Variants in C8orf34 observed in about 807,000 individuals in gnomAD.
C8orf34 encodes the protein chromosome 8 open reading frame 34, also known as uncharacterized protein C8orf34.
Under a neutral mutation model 68.3 loss-of-function variants are expected in C8orf34, and 65 were observed. That is an observed-to-expected ratio of 0.95 (90% confidence interval 0.78 to 1.17). The LOEUF (loss-of-function observed/expected upper bound fraction) is 1.17. C8orf34 is among the 50% of genes most tolerant of loss of function. The probability of loss-of-function intolerance (pLI) is 0.00; values close to 1 mark genes in which losing one functional copy is unlikely to be tolerated. For synonymous variants in C8orf34, 244 were observed against 241.2 expected, an observed-to-expected ratio of 1.01 and a Z score of -0.11; for missense variants, 664 against 655.4, an observed-to-expected ratio of 1.01 and a Z score of -0.14.
intron 1 of C8orf34, among the ~76,000 whole-genome samples, chr8:68,368,583 C>A (rs995763860): frequency 2.0e-4 from 30 of 152,008 alleles, no homozygotes; most frequent in African/African-American, 6.5e-4. Flanking sequence ...ATGATCATTG[C>A]AATATTAGCT....
chr8:68,635,226 A>G (rs962228148), intron 7 of C8orf34, among the ~76,000 whole-genome samples: 4 of 152,206 alleles, frequency 2.6e-5, no homozygotes, highest in Non-Finnish European at 4.4e-5. Flanking sequence ...AAATGCTTAG[A>G]TAATTGCCAT....
intron 10 of C8orf34, among the ~76,000 whole-genome samples, chr8:68,748,315 C>T (rs1376662693): frequency 6.8e-6 from 1 of 146,662 alleles, no homozygotes; most frequent in East Asian, 2.0e-4. Flanking sequence ...CCATTCAGGA[C>T]ATAGGCACGG....
At chr8:68,749,578 A>G (rs895197395) in intron 10 of C8orf34, among the ~76,000 whole-genome samples, 6 of 152,138 alleles carry the variant, frequency 3.9e-5, no homozygotes, top group Non-Finnish European at 5.9e-5. Context: ...AAGATTCCTC[A>G]TGCCTATTTA....
intron 7 of C8orf34, among the ~76,000 whole-genome samples, chr8:68,588,608 A>G (rs1817275830): frequency 6.6e-6 from 1 of 152,180 alleles, no homozygotes; most frequent in South Asian, 2.1e-4. Context: ...AGGAAAGACC[A>G]AAAGAACTGT....
chr8:68,528,886 T>G (rs1472021398), intron 6 of C8orf34, among the ~76,000 whole-genome samples: 1 of 152,230 alleles, frequency 6.6e-6, no homozygotes, highest in East Asian at 1.9e-4. Flanking sequence ...AGACTCTCTG[T>G]GCACCTGGCT....
rs577022924 is a variant in C8orf34, at chr8:68,763,489, G to A, written c.1405-12910G>A. 1.4e-4 allele frequency among the ~76,000 whole-genome samples: 22 copies of A among 152,138 alleles called. No individual in the cohort carries two copies. In the South Asian group the frequency reaches 3.5e-3, roughly 24 times the overall value. Reference sequence around the variant, plus strand: ...ACCTTCAGTTTATTTTTGTTCACCTGTGTTTTTGGGTTACTCTCCAACTCA... The same window carrying A: ...ACCTTCAGTTTATTTTTGTTCACCTATGTTTTTGGGTTACTCTCCAACTCA... On this transcript the variant is annotated intron_variant, in intron 10 of 13. Transcript: ENST00000518698.
At chr8:68,650,696 G>A (rs1819331433) in intron 8 of C8orf34, among the ~76,000 whole-genome samples, 1 of 151,994 alleles carries the variant, frequency 6.6e-6, no homozygotes, top group Non-Finnish European at 1.5e-5. Context: ...AGCCGGGATG[G>A]TCTCGATCTC....
chr8:68,523,760 A>G (rs1202579035), intron 6 of C8orf34, among the ~76,000 whole-genome samples: 1 of 152,132 alleles, frequency 6.6e-6, no homozygotes, highest in African/African-American at 2.4e-5. Context: ...TCAAGCAGAA[A>G]GGGTTGGAGA....
intron 12 of C8orf34, among the ~76,000 whole-genome samples, chr8:68,809,894 C>T (rs992519793): frequency 1.6e-4 from 25 of 152,042 alleles, no homozygotes; most frequent in African/African-American, 4.4e-4. Context: ...TGGCATGTGA[C>T]GATTAAAAAG....
intron 5 of C8orf34, among the ~76,000 whole-genome samples, chr8:68,502,869 A>AG (rs1813840251): frequency 6.6e-6 from 1 of 152,242 alleles, no homozygotes; most frequent in Non-Finnish European, 1.5e-5. Flanking sequence ...TTCTCTCTCA[A>AG]GTAGTATTGG....
At chr8:68,757,770 T>C (rs1341615501) in intron 10 of C8orf34, among the ~76,000 whole-genome samples, 1 of 152,176 alleles carries the variant, frequency 6.6e-6, no homozygotes, top group Non-Finnish European at 1.5e-5. Context: ...TAACGTACAA[T>C]GGATAGAATG....
intron 11 of C8orf34, 32 bp downstream of exon 11, chr8:68,776,481 T>C: frequency 1.3e-6 from 2 of 1,564,558 alleles, no homozygotes; most frequent in Non-Finnish European, 1.8e-6. Flanking sequence ...TAATGTAGTC[T>C]GAAATCAGTT....
intron 7 of C8orf34, among the ~76,000 whole-genome samples, chr8:68,623,591 G>A (rs1818449627): frequency 6.6e-6 from 1 of 152,186 alleles, no homozygotes; most frequent in Non-Finnish European, 1.5e-5. Context: ...AAGTACCATG[G>A]ACTGGGTGGC....
chr8:68,775,213 C>T (rs1211084856), intron 10 of C8orf34, among the ~76,000 whole-genome samples: 1 of 151,898 alleles, frequency 6.6e-6, no homozygotes, highest in Admixed American at 6.6e-5. Context: ...TTGTCTTGCC[C>T]TCAATGAGAT....
chr8:68,680,919 G>C (rs1379033398), intron 8 of C8orf34, among the ~76,000 whole-genome samples: 2 of 152,062 alleles, frequency 1.3e-5, no homozygotes, highest in Admixed American at 6.6e-5. Context: ...GACACTCCCA[G>C]AGCGGCCGTG....
In C8orf34 at chr8:68,541,789, T is replaced by TGA. The variant is rs1297182030; in HGVS notation, c.1105+8640_1105+8641insGA. 2.6e-5 allele frequency among the ~76,000 whole-genome samples: 4 copies of TGA among 152,316 alleles called. No individual in the cohort carries two copies. The East Asian group carries it at 7.7e-4, about 29-fold the overall frequency. ...CATGGCATAGAACTTGAATTTTCCCTAATGTGTTAGAATGAATCTTGGCCT... is the reference window on the plus strand; with the variant it reads ...CATGGCATAGAACTTGAATTTTCCCTGAAATGTGTTAGAATGAATCTTGGCCT... On this transcript the variant is annotated intron_variant, in intron 7 of 13. Transcript: ENST00000518698.
chr8:68,646,793 T>A (rs1172540276), intron 8 of C8orf34, among the ~76,000 whole-genome samples: 1 of 152,208 alleles, frequency 6.6e-6, no homozygotes, highest in Admixed American at 6.5e-5. Context: ...ATGACAGAAT[T>A]TTCTTCTTTT....
chr8:68,560,281 G>A (rs1481117177), intron 7 of C8orf34, among the ~76,000 whole-genome samples: 1 of 142,262 alleles, frequency 7.0e-6, no homozygotes, highest in Non-Finnish European at 1.5e-5. Context: ...TTTCATTTCT[G>A]ATCATTTTTT....
At chr8:68,357,407 T>C (rs997768064) in intron 1 of C8orf34, among the ~76,000 whole-genome samples, 8 of 152,154 alleles carry the variant, frequency 5.3e-5, no homozygotes, top group African/African-American at 1.9e-4. Context: ...CTTTATGAAA[T>C]GTTTGGCTAA....
Sources: allele counts gnomAD v4.1 joint callset (sites outside exome capture counted in the v4.1 genomes callset), GRCh38; gene constraint gnomAD v4.1.1; transcripts MANE v1.5; gene names NCBI Gene and HGNC (gene_info 2026-07-23, HGNC 2026-07-21).